Variants in CTNNAL1 observed in about 807,000 individuals in gnomAD.
CTNNAL1 encodes catenin alpha like 1.
Under a neutral mutation model 93.6 loss-of-function variants are expected in CTNNAL1, and 69 were observed. The ratio of observed to expected loss-of-function variants is 0.74; its 90% CI spans 0.61 to 0.90. The LOEUF (loss-of-function observed/expected upper bound fraction) is 0.90, where lower values mean the gene tolerates loss of function less well. Ranked by LOEUF, CTNNAL1 falls within the 40% of genes least tolerant of loss-of-function variation. The pLI is 0.00. For missense variants in CTNNAL1, 836 were observed against 862.0 expected (o/e 0.97, Z 0.38); for synonymous variants, 286 against 305.4 (o/e 0.94, Z 0.66).
intron 8 of CTNNAL1, among the ~76,000 whole-genome samples, chr9:108,976,012 T>C (rs965503553): frequency 2.0e-5 from 3 of 152,206 alleles, no homozygotes; most frequent in African/African-American, 7.2e-5. Context: ...TTCAGTGAGA[T>C]AGAATTGATA....
rs1453077293 is a variant in CTNNAL1, at chr9:108,999,235, T to C, written c.163A>G (p.Lys55Glu). The change falls in exon 2 of 19, where the codon AAA becomes GAA. Residue 55 changes from lysine (K) to glutamate (E), a missense_variant. Lys to Glu is a moderately conservative substitution (Grantham distance 56, BLOSUM62 1). Coordinates refer to ENST00000325551, the MANE Select transcript of CTNNAL1 (RefSeq NM_003798.4). ...TTATCAGACTTTTTGGTATTATCTT[T>C]ATGATTAATAAGCGTGGTGATCTAA... ...VSQITTLINH[K>E]DNTKKSDKTL... The C allele has an allele frequency of 1.2e-6, 2 of 1,600,876 alleles. No individual in the cohort carries two copies. Among genetic ancestry groups the C allele is most frequent in the East Asian group, 4.5e-5 (2 of 44,762 alleles).
At chr9:109,004,324 C>G (rs1213707968) in intron 1 of CTNNAL1, among the ~76,000 whole-genome samples, 3 of 152,120 alleles carry the variant, frequency 2.0e-5, no homozygotes, top group Non-Finnish European at 4.4e-5. Context: ...ATTAATCATC[C>G]TCATTTCCCC....
chr9:108,946,877 C>T, intron 15 of CTNNAL1, among the ~76,000 whole-genome samples: 1 of 151,890 alleles, frequency 6.6e-6, no homozygotes, highest in Non-Finnish European at 1.5e-5. Context: ...AGTAAAACAC[C>T]CCTACAGGGC....
chr9:108,946,564 C>G (rs1830409946), intron 15 of CTNNAL1, among the ~76,000 whole-genome samples: 1 of 152,294 alleles, frequency 6.6e-6, no homozygotes, highest in Middle Eastern at 3.4e-3. Flanking sequence ...CCTCTATCAC[C>G]TCTGTATTCT....
intron 14 of CTNNAL1, among the ~76,000 whole-genome samples, chr9:108,952,008 C>A (rs1488434979): frequency 6.6e-6 from 1 of 151,748 alleles, no homozygotes; most frequent in Non-Finnish European, 1.5e-5. Context: ...GCAGAAGATC[C>A]CTTCTAAATC....
chr9:108,948,484 ATT>A (rs1830468281), intron 14 of CTNNAL1, among the ~76,000 whole-genome samples: 1 of 152,234 alleles, frequency 6.6e-6, no homozygotes, highest in African/African-American at 2.4e-5. Context: ...AACAAGTAAT[ATT>A]TAAGTTCCAT....
intron 7 of CTNNAL1, 93 bp from the exon 8 acceptor site, chr9:108,977,141 T>A: frequency 1.8e-6 from 1 of 549,734 alleles, no homozygotes; most frequent in Non-Finnish European, 3.1e-6. Flanking sequence ...TAATAAATTT[T>A]AATACTATTC....
chr9:108,959,606 T>C (rs138985394), intron 11 of CTNNAL1, among the ~76,000 whole-genome samples: 96 of 152,132 alleles, frequency 6.3e-4, no homozygotes, highest in African/African-American at 2.2e-3. Context: ...TAAAATAAAC[T>C]GGCTAAATTA....
intron 1 of CTNNAL1, among the ~76,000 whole-genome samples, chr9:109,000,103 T>C (rs1220841379): frequency 2.0e-5 from 3 of 152,252 alleles, no homozygotes; most frequent in African/African-American, 7.2e-5. Flanking sequence ...CCAAGCACTT[T>C]ATATGTATGT....
chr9:108,972,865 A>ACCCCCG, intron 8 of CTNNAL1, 32 bp from the exon 9 acceptor site: 3 of 219,274 alleles, frequency 1.4e-5, no homozygotes, highest in Non-Finnish European at 1.9e-5. Flanking sequence ...GGGGGGTGGG[A>ACCCCCG]GGGTGGAGAA....
intron 12 of CTNNAL1, 76 bp from the exon 13 acceptor site, chr9:108,952,570 A>G: frequency 6.4e-7 from 1 of 1,553,302 alleles, no homozygotes; most frequent in Non-Finnish European, 8.8e-7. Context: ...AGTAATACAA[A>G]GCATAACAAA....
intron 6 of CTNNAL1, among the ~76,000 whole-genome samples, chr9:108,982,683 A>T (rs1445069867): frequency 6.6e-5 from 10 of 152,262 alleles, no homozygotes; most frequent in Non-Finnish European, 1.5e-5. Context: ...AAGTTTGTAC[A>T]GAGTGGCATT....
At chr9:108,990,031 A>G in intron 4 of CTNNAL1, among the ~76,000 whole-genome samples, 1 of 152,190 alleles carries the variant, frequency 6.6e-6, no homozygotes. Flanking sequence ...AGCCTGGGTG[A>G]CAGAGAGAGA....
At chr9:108,991,975 C>T in intron 3 of CTNNAL1, 4 of 713,656 alleles carry the variant, frequency 5.6e-6, no homozygotes, top group East Asian at 5.1e-5. Flanking sequence ...TATTCAGTAA[C>T]ATTTAGGGAC....
intron 9 of CTNNAL1, among the ~76,000 whole-genome samples, chr9:108,970,936 T>C (rs838817): frequency 0.57 from 87,408 of 152,030 alleles, 25,399 homozygotes; most frequent in Middle Eastern, 0.69. Context: ...GGAGCTAACA[T>C]TGGATTAGGC....
chr9:108,990,867 A>G (rs943368919), intron 3 of CTNNAL1, 22 bp from the exon 4 acceptor site: 1 of 1,604,992 alleles, frequency 6.2e-7, no homozygotes, highest in African/African-American at 1.3e-5. Flanking sequence ...ATAATAATTC[A>G]TTATTTGGTG....
At chr9:108,946,192 G>T (rs929316317) in intron 15 of CTNNAL1, among the ~76,000 whole-genome samples, 2 of 151,842 alleles carry the variant, frequency 1.3e-5, no homozygotes, top group South Asian at 2.1e-4. Flanking sequence ...CCAGCTACTC[G>T]GGAGGCTGAG....
chr9:108,990,983 A>T, intron 3 of CTNNAL1, 138 bp from the exon 4 acceptor site: 1 of 888,630 alleles, frequency 1.1e-6, no homozygotes, highest in Admixed American at 3.3e-5. Context: ...TAGAAGACAC[A>T]CAAGGGGATG....
At chr9:108,951,357 A>C (rs560084060) in intron 14 of CTNNAL1, among the ~76,000 whole-genome samples, 2 of 152,224 alleles carry the variant, frequency 1.3e-5, no homozygotes, top group African/African-American at 4.8e-5. Flanking sequence ...ACAGTTGTAG[A>C]GATCCTTCAC....
Sources: gnomAD v4.1 joint callset for allele counts (sites outside exome capture counted in the v4.1 genomes callset) on GRCh38, gnomAD v4.1.1 for gene constraint, MANE v1.5 for transcripts, NCBI Gene and HGNC (gene_info 2026-07-23, HGNC 2026-07-21) for gene names.